Variants in CDH8 observed in about 807,000 individuals in gnomAD.
CDH8 encodes cadherin 8.
Under a neutral mutation model 68.1 loss-of-function variants are expected in CDH8, and 17 were observed. That is an observed-to-expected ratio of 0.25 (90% CI 0.17 to 0.37). The LOEUF is 0.37. Among genes scored for constraint, CDH8 ranks in the 10% least tolerant of loss-of-function variants. The pLI is 1.00. For missense variants in CDH8, 763 were observed against 999.3 expected (o/e 0.76, Z 3.19); for synonymous variants, 372 against 365.1 (o/e 1.02, Z -0.21).
chr16:61,932,218 A>AAAAAAGAAAAGAAAAG lies in CDH8; in HGVS notation c.253-30746_253-30745insCTTTTCTTTTCTTTTT, dbSNP rs577005665. ...GCAAAACTCCGTCTCAAAAAAAAAA[A>AAAAAAGAAAAGAAAAG]AAAAGAAAAGAAAAGAAAAAGCACA... On this transcript the variant is annotated intron_variant, in intron 2 of 11. Coordinates refer to ENST00000577390, the MANE Select transcript of CDH8 (RefSeq NM_001796.5). Among the ~76,000 whole-genome samples the AAAAAAGAAAAGAAAAG allele has an allele frequency of 1.6e-3, 234 of 146,890 alleles. 2 individuals are homozygous for AAAAAAGAAAAGAAAAG. The highest frequency in any genetic ancestry group is 5.4e-3 in the African/African-American group (209 of 38,942).
At chr16:61,815,092 A>G (rs1962041946) in intron 7 of CDH8, among the ~76,000 whole-genome samples, 1 of 152,168 alleles carries the variant, frequency 6.6e-6, no homozygotes, top group African/African-American at 2.4e-5. Context: ...AAGAACTAGC[A>G]CTTGCCTGAC....
intron 10 of CDH8, among the ~76,000 whole-genome samples, chr16:61,698,387 C>T (rs535113809): frequency 6.6e-6 from 1 of 152,112 alleles, no homozygotes; most frequent in Non-Finnish European, 1.5e-5. Flanking sequence ...TGTCTCTGTC[C>T]CTACTCACTT....
At chr16:61,757,254 T>A (rs13331719) in intron 8 of CDH8, among the ~76,000 whole-genome samples, 23,881 of 152,002 alleles carry the variant, frequency 0.16, 3,027 homozygotes, top group African/African-American at 0.35. Flanking sequence ...AACAAAGCAA[T>A]AAGTAAATAT....
intron 10 of CDH8, among the ~76,000 whole-genome samples, chr16:61,657,804 T>C (rs1963477708): frequency 6.6e-6 from 1 of 152,112 alleles, no homozygotes; most frequent in African/African-American, 2.4e-5. Flanking sequence ...TCTCCTTTTG[T>C]AACAGACTAT....
chr16:61,787,248 AAAAC>A (rs1196884733), intron 8 of CDH8, among the ~76,000 whole-genome samples: 1 of 149,362 alleles, frequency 6.7e-6, no homozygotes, highest in African/African-American at 2.4e-5. Flanking sequence ...TTACAAGAAA[AAAAC>A]AAACAACCCC....
At chr16:61,782,784 G>A (rs1423253078) in intron 8 of CDH8, among the ~76,000 whole-genome samples, 2 of 152,082 alleles carry the variant, frequency 1.3e-5, no homozygotes, top group Non-Finnish European at 2.9e-5. Flanking sequence ...CCTGACCCCT[G>A]ACCCCTGAGC....
chr16:61,957,891 A>G (rs1226504180), intron 2 of CDH8, among the ~76,000 whole-genome samples: 4 of 152,128 alleles, frequency 2.6e-5, no homozygotes, highest in Non-Finnish European at 5.9e-5. Context: ...ATATTCCAAG[A>G]ACCTAGTGCA....
At chr16:61,836,695 G>A (rs967563608) in intron 4 of CDH8, among the ~76,000 whole-genome samples, 9 of 151,854 alleles carry the variant, frequency 5.9e-5, no homozygotes, top group African/African-American at 1.4e-4. Flanking sequence ...ATAGACTGAC[G>A]ACTTGTCTAA....
chr16:61,859,003 A>C (rs922545512), intron 3 of CDH8, among the ~76,000 whole-genome samples: 1 of 152,144 alleles, frequency 6.6e-6, no homozygotes, highest in East Asian at 1.9e-4. Context: ...GAACTTTAGC[A>C]AGATCTAGTC....
At chr16:61,695,833 AT>A (rs1964315199) in intron 10 of CDH8, among the ~76,000 whole-genome samples, 1 of 152,164 alleles carries the variant, frequency 6.6e-6, no homozygotes, top group Non-Finnish European at 1.5e-5. Flanking sequence ...TTTTTAACTG[AT>A]TTATGATAAC....
At chr16:61,807,570 A>G (rs1023692377) in intron 7 of CDH8, among the ~76,000 whole-genome samples, 3 of 152,218 alleles carry the variant, frequency 2.0e-5, no homozygotes, top group South Asian at 2.1e-4. Flanking sequence ...GTGCGTATCC[A>G]TTATAGACAT....
intron 3 of CDH8, among the ~76,000 whole-genome samples, chr16:61,896,415 C>A (rs1232404365): frequency 6.6e-6 from 1 of 152,246 alleles, no homozygotes; most frequent in African/African-American, 2.4e-5. Flanking sequence ...TCTTCACTTT[C>A]TGCACAATGA....
intron 8 of CDH8, among the ~76,000 whole-genome samples, chr16:61,768,537 G>A (rs1000274569): frequency 2.0e-5 from 3 of 151,304 alleles, no homozygotes; most frequent in African/African-American, 7.3e-5. Context: ...CAATGGGCGA[G>A]TCTTGATCTG....
chr16:61,872,431 A>G (rs1963386559), intron 3 of CDH8, among the ~76,000 whole-genome samples: 2 of 152,188 alleles, frequency 1.3e-5, no homozygotes, highest in Admixed American at 1.3e-4. Flanking sequence ...ACTCAAAATG[A>G]CGGCTTCTAG....
intron 2 of CDH8, among the ~76,000 whole-genome samples, chr16:61,943,565 T>C (rs1964756723): frequency 6.6e-6 from 1 of 152,234 alleles, no homozygotes; most frequent in Non-Finnish European, 1.5e-5. Flanking sequence ...ACTGCTCACA[T>C]GAATACCAAA....
At chr16:61,686,646 T>C (rs959915911) in intron 10 of CDH8, among the ~76,000 whole-genome samples, 3 of 151,970 alleles carry the variant, frequency 2.0e-5, no homozygotes, top group Non-Finnish European at 2.9e-5. Flanking sequence ...TCATTAATGG[T>C]ATTAAAGATG....
chr16:61,779,476 G>T (rs1960992201), intron 8 of CDH8, among the ~76,000 whole-genome samples: 1 of 134,018 alleles, frequency 7.5e-6, no homozygotes, highest in Non-Finnish European at 1.6e-5. Context: ...CGCGCATGGT[G>T]AGGGAAACAA....
chr16:61,817,256 G>T (rs543377631), intron 7 of CDH8, among the ~76,000 whole-genome samples: 1 of 151,960 alleles, frequency 6.6e-6, no homozygotes, highest in Admixed American at 6.6e-5. Flanking sequence ...TCATCTTATT[G>T]TTCCTGGCTC....
rs545777397 is a variant in CDH8 at position 61,898,364 on chromosome 16, T to A, written c.547+2815A>T. On this transcript the variant is annotated intron_variant, in intron 3 of 11. Coordinates refer to ENST00000577390, the MANE Select transcript of CDH8 (RefSeq NM_001796.5). The stretch of plus-strand genomic sequence containing the variant: ...AAAATAGAGCTCCTTTCACAAGAGG[T>A]AGATAAAGTGGAGTCTTGGCAGAAG... 2.0e-5 allele frequency among the ~76,000 whole-genome samples: 3 copies of A among 150,920 alleles called. No individual in the cohort carries two copies. In the East Asian group the frequency reaches 5.8e-4, roughly 29 times the overall value.
Sources: allele counts gnomAD v4.1 joint callset (sites outside exome capture counted in the v4.1 genomes callset), GRCh38; gene constraint gnomAD v4.1.1; transcripts MANE v1.5; gene names NCBI Gene and HGNC (gene_info 2026-07-23, HGNC 2026-07-21).